Variants in FGF12 observed in about 807,000 individuals in gnomAD.
The protein encoded by FGF12 is fibroblast growth factor 12B.
In FGF12, 14 loss-of-function variants were observed where a neutral mutation model predicts 23.6. That is an observed-to-expected ratio of 0.59 (90% CI 0.39 to 0.93). FGF12 has a LOEUF of 0.93. Among genes scored for constraint, FGF12 ranks in the 40% least tolerant of loss-of-function variants. The pLI, the probability that FGF12 is intolerant of heterozygous loss-of-function variation, is 0.00. For missense variants in FGF12, 175 were observed against 217.8 expected, an observed-to-expected ratio of 0.80 and a Z score of 1.24; for synonymous variants, 62 against 77.3, an observed-to-expected ratio of 0.80 and a Z score of 1.04.
chr3:192,185,969 TA>T (rs946047052), intron 4 of FGF12, among the ~76,000 whole-genome samples: 7 of 151,954 alleles, frequency 4.6e-5, no homozygotes, highest in African/African-American at 1.5e-4. Context: ...GAAAAAACAT[TA>T]AAAAAATATA....
intron 2 of FGF12, among the ~76,000 whole-genome samples, chr3:192,657,105 G>T (rs1451386989): frequency 2.7e-5 from 4 of 149,708 alleles, no homozygotes; most frequent in South Asian, 4.2e-4. Context: ...CTGAGTTGAG[G>T]TTTTTTTTTT....
intron 2 of FGF12, among the ~76,000 whole-genome samples, chr3:192,720,213 G>A (rs900553233): frequency 6.6e-6 from 1 of 152,232 alleles, no homozygotes; most frequent in African/African-American, 2.4e-5. Context: ...CTTCTATCAC[G>A]TAGTTTAAAG....
In FGF12 at chr3:192,585,044, G is replaced by A. The variant is rs915003729; in HGVS notation, c.13+142137C>T. ...TTCAGATAAAAAAATTCTCATTCTG[G>A]AAACAGGTTTATTCTGCTGCATTCA... is the stretch of plus-strand genomic sequence containing the variant. On this transcript the variant is annotated intron_variant, in intron 2 of 5. Transcript: ENST00000445105. Among the ~76,000 whole-genome samples the A allele has an allele frequency of 3.9e-5, 6 of 152,194 alleles. No homozygotes were observed. The East Asian group carries it at 1.2e-3, about 29-fold the overall frequency.
intron 2 of FGF12, among the ~76,000 whole-genome samples, chr3:192,492,829 G>A (rs754744095): frequency 2.6e-5 from 4 of 152,028 alleles, no homozygotes; most frequent in Non-Finnish European, 5.9e-5. Context: ...CCTTAATGGT[G>A]CTTTCCTCTG....
At chr3:192,574,548 C>G (rs1712791258) in intron 2 of FGF12, among the ~76,000 whole-genome samples, 1 of 152,194 alleles carries the variant, frequency 6.6e-6, no homozygotes, top group South Asian at 2.1e-4. Flanking sequence ...CACCTCCTGT[C>G]AATGAAACCA....
intron 2 of FGF12, among the ~76,000 whole-genome samples, chr3:192,594,645 T>C (rs1400880845): frequency 6.6e-6 from 1 of 151,542 alleles, no homozygotes; most frequent in Non-Finnish European, 1.5e-5. Context: ...CTAAACAGAG[T>C]TGGGCCCCCA....
At chr3:192,295,427 G>A (rs144909206) in intron 4 of FGF12, among the ~76,000 whole-genome samples, 91 of 152,138 alleles carry the variant, frequency 6.0e-4, no homozygotes, top group Non-Finnish European at 7.5e-4. Context: ...ATGGCAGTAT[G>A]GACTTCAGAT....
At chr3:192,587,647 C>G (rs1286325457) in intron 2 of FGF12, among the ~76,000 whole-genome samples, 1 of 151,736 alleles carries the variant, frequency 6.6e-6, no homozygotes, top group African/African-American at 2.4e-5. Context: ...GAGACCCTAT[C>G]ACTGTATTTT....
At chr3:192,518,026 T>C (rs981342922) in intron 2 of FGF12, among the ~76,000 whole-genome samples, 3 of 152,174 alleles carry the variant, frequency 2.0e-5, no homozygotes, top group Non-Finnish European at 2.9e-5. Context: ...GTATTTTAGT[T>C]TGAACAAGAA....
chr3:192,235,771 G>C (rs1302045222), intron 4 of FGF12, among the ~76,000 whole-genome samples: 1 of 152,090 alleles, frequency 6.6e-6, no homozygotes, highest in Non-Finnish European at 1.5e-5. Flanking sequence ...AATCTACCAA[G>C]TGGTCTATCA....
intron 4 of FGF12, among the ~76,000 whole-genome samples, chr3:192,284,320 A>G (rs1024163863): frequency 3.3e-5 from 5 of 152,092 alleles, no homozygotes; most frequent in African/African-American, 1.2e-4. Flanking sequence ...ATGTTCAATT[A>G]ATATTCTTAA....
At chr3:192,529,042 C>T (rs576188016) in intron 2 of FGF12, among the ~76,000 whole-genome samples, 1 of 152,324 alleles carries the variant, frequency 6.6e-6, no homozygotes, top group Non-Finnish European at 1.5e-5. Context: ...CTACTCATTA[C>T]TTATGCAAAT....
At chr3:192,232,013 T>G (rs534276964) in intron 4 of FGF12, among the ~76,000 whole-genome samples, 9 of 152,310 alleles carry the variant, frequency 5.9e-5, no homozygotes, top group African/African-American at 2.2e-4. Context: ...AATTAATTCT[T>G]AACGAATATT....
At chr3:192,528,232 A>G (rs1364399065) in intron 2 of FGF12, among the ~76,000 whole-genome samples, 1 of 152,152 alleles carries the variant, frequency 6.6e-6, no homozygotes, top group Non-Finnish European at 1.5e-5. Flanking sequence ...TCCAAGATAC[A>G]ATGAGGGTTC....
intron 2 of FGF12, among the ~76,000 whole-genome samples, chr3:192,597,072 A>T (rs1234545046): frequency 6.6e-6 from 1 of 152,196 alleles, no homozygotes; most frequent in East Asian, 1.9e-4. Flanking sequence ...TCTAATAAGG[A>T]TTACGCAAAA....
Position 192,723,485 on chromosome 3 carries a change from T to G in FGF12, c.13+3696A>C, listed in dbSNP as rs913946846. On this transcript the variant is annotated intron_variant, in intron 2 of 5. Transcript: ENST00000445105. ...ATGTTAAAGTGCATAGAAATGACCA[T>G]TAGATTTTGTTGAAATCCAGATTTG... Among the ~76,000 whole-genome samples the G allele has an allele frequency of 2.0e-5, 3 of 151,960 alleles. No individual in the cohort carries two copies. The East Asian group carries it at 5.8e-4, about 29-fold the overall frequency.
intron 2 of FGF12, among the ~76,000 whole-genome samples, chr3:192,642,933 T>A (rs1715861842): frequency 6.6e-6 from 1 of 152,224 alleles, no homozygotes; most frequent in African/African-American, 2.4e-5. Flanking sequence ...TTTCTTTCCT[T>A]TGATTCCTTT....
Position 192,154,688 on chromosome 3 carries a change from C to T in FGF12, c.428-10561G>A, listed in dbSNP as rs1364583325. On this transcript the variant is annotated intron_variant, in intron 5 of 5. Coordinates refer to ENST00000445105, the MANE Select transcript of FGF12 (RefSeq NM_004113.6). ...CTGCCCGTTCTCAGATCTCCAGCTGCGTGCTGGGAGAACCACTGCTCTCTT... is the reference window on the plus strand; with the variant it reads ...CTGCCCGTTCTCAGATCTCCAGCTGTGTGCTGGGAGAACCACTGCTCTCTT... Among the ~76,000 whole-genome samples, 581 of 141,026 alleles carry T rather than the reference C, an allele frequency of 4.1e-3. 4 individuals are homozygous for T. Among genetic ancestry groups the T allele is most frequent in the African/African-American group, 0.014 (533 of 37,514 alleles). 92.5% of individuals were successfully genotyped at this position (141,026 alleles called of 152,430 possible). A position where few individuals can be genotyped will look rare whatever the true frequency, so the allele number is the denominator to read the frequency against.
At chr3:192,212,435 T>C (rs1325990765) in intron 4 of FGF12, among the ~76,000 whole-genome samples, 1 of 152,002 alleles carries the variant, frequency 6.6e-6, no homozygotes, top group Non-Finnish European at 1.5e-5. Context: ...TGTAAAACGG[T>C]GTGGGGAGAA....
Sources: gnomAD v4.1 joint callset for allele counts (sites outside exome capture counted in the v4.1 genomes callset) on GRCh38, gnomAD v4.1.1 for gene constraint, MANE v1.5 for transcripts, NCBI Gene and HGNC (gene_info 2026-07-23, HGNC 2026-07-21) for gene names.